The following SEL1L variants were observed in gnomAD, a reference collection of about 807,000 sequenced individuals.
SEL1L encodes the protein SEL1L adaptor subunit of SYVN1 ubiquitin ligase.
In SEL1L, 52 loss-of-function variants were observed where a neutral mutation model predicts 109.8. The ratio of observed to expected loss-of-function variants is 0.47; its 90% CI spans 0.38 to 0.60. The LOEUF is 0.60. SEL1L is among the 20% of genes least tolerant of loss of function. The probability of loss-of-function intolerance (pLI) is 0.00; values close to 1 mark genes in which losing one functional copy is unlikely to be tolerated. For missense variants in SEL1L, 749 were observed against 962.2 expected (o/e 0.78, Z 2.93); for synonymous variants, 373 against 339.6 (o/e 1.10, Z -1.08).
intron 11 of SEL1L, 55 bp downstream of exon 11, chr14:81,495,026 G>T: frequency 6.6e-7 from 1 of 1,506,386 alleles, no homozygotes; most frequent in Non-Finnish European, 9.2e-7. Flanking sequence ...AATACATTGG[G>T]AACATCATTT....
intron 12 of SEL1L, 107 bp downstream of exon 12, chr14:81,492,373 C>T (rs1595509743): frequency 1.2e-6 from 1 of 846,704 alleles, no homozygotes; most frequent in East Asian, 2.6e-5. Flanking sequence ...CACTAGAAAT[C>T]TTATTTCCAA....
chr14:81,509,018 T>C (rs1409159794), intron 3 of SEL1L, among the ~76,000 whole-genome samples: 2 of 152,220 alleles, frequency 1.3e-5, no homozygotes, highest in Admixed American at 1.3e-4. Flanking sequence ...ACTTGCTTCA[T>C]CAATTTAGTC....
At chr14:81,525,454 TGAA>T (rs1885076160) in intron 3 of SEL1L, among the ~76,000 whole-genome samples, 1 of 148,000 alleles carries the variant, frequency 6.8e-6, no homozygotes, top group Non-Finnish European at 1.5e-5. Context: ...AATTAAAAAA[TGAA>T]GAATGAATTA....
rs757504002 is a variant in SEL1L, at chr14:81,506,234, G to A, written c.348C>T (p.Thr116=). The A allele has an allele frequency of 4.1e-5, 65 of 1,592,574 alleles. No homozygotes were observed. Among genetic ancestry groups the A allele is most frequent in the South Asian group, 1.3e-4 (11 of 87,278 alleles). ...EPKKVRKPAL[T]AIEGTAHGEP... ...CCCCATGTGCTGTGCCTTCAATGGC[G>A]GTCAAAGCTGGAATGACAAGAAATA... The change falls in exon 4 of 21, where the codon ACC becomes ACT. Residue 116 remains threonine (T), a synonymous_variant. Coordinates refer to ENST00000336735, the MANE Select transcript of SEL1L (RefSeq NM_005065.6).
At chr14:81,517,251 C>T (rs531008069) in intron 3 of SEL1L, among the ~76,000 whole-genome samples, 12 of 152,256 alleles carry the variant, frequency 7.9e-5, no homozygotes, top group African/African-American at 2.9e-4. Flanking sequence ...CCCCTGACTG[C>T]TTTTAGTCCT....
chr14:81,490,701 G>C (rs1347952800), intron 12 of SEL1L, among the ~76,000 whole-genome samples: 2 of 152,192 alleles, frequency 1.3e-5, no homozygotes, highest in South Asian at 4.1e-4. Flanking sequence ...AGGAGTTCAA[G>C]ACCAGCCTGG....
intron 3 of SEL1L, among the ~76,000 whole-genome samples, chr14:81,516,225 A>G (rs1884696419): frequency 6.6e-6 from 1 of 152,200 alleles, no homozygotes; most frequent in South Asian, 2.1e-4. Context: ...AGCCCCGGGT[A>G]CGTTTAACCA....
chr14:81,494,352 C>T (rs1437347714), intron 11 of SEL1L, among the ~76,000 whole-genome samples: 2 of 152,206 alleles, frequency 1.3e-5, no homozygotes, highest in Non-Finnish European at 2.9e-5. Flanking sequence ...TCTCTCTCAC[C>T]TGAACTTCTC....
In SEL1L at chr14:81,492,363, C is replaced by A. The variant is rs980240458; in HGVS notation, c.1254+117G>T. 28 of 765,046 alleles carry A rather than the reference C, an allele frequency of 3.7e-5. No homozygotes were observed. The East Asian group carries it at 4.1e-4, about 11-fold the overall frequency. 47.4% of individuals were successfully genotyped at this position (765,046 alleles called of 1,614,324 possible). A position where few individuals can be genotyped will look rare whatever the true frequency, so the allele number is the denominator to read the frequency against. On this transcript the variant is annotated intron_variant, in intron 12 of 20. Coordinates refer to ENST00000336735, the MANE Select transcript of SEL1L (RefSeq NM_005065.6). Reference sequence around the variant, plus strand: ...AGCACTTTAAGATATAATAGTCTTGCACTAGAAATCTTATTTCCAATTTAT... The same window carrying A: ...AGCACTTTAAGATATAATAGTCTTGAACTAGAAATCTTATTTCCAATTTAT...
intron 13 of SEL1L, among the ~76,000 whole-genome samples, 167 bp downstream of exon 13, chr14:81,490,221 C>T (rs906625222): frequency 3.3e-5 from 5 of 152,160 alleles, no homozygotes; most frequent in African/African-American, 1.2e-4. Flanking sequence ...TGCCTTTTAT[C>T]GGGAGGGCTT....
chr14:81,498,034 A>G lies in SEL1L; in HGVS notation c.986T>C (p.Ile329Thr). 6.2e-7 allele frequency: 1 copy of G among 1,612,786 alleles called. No individual in the cohort carries two copies. Among genetic ancestry groups the G allele is most frequent in the East Asian group, 2.2e-5 (1 of 44,868 alleles). The stretch of plus-strand genomic sequence containing the variant: ...TACTACTGAGCCTCCTGTTAGCGAG[A>G]TATCACTAGCAACTGAAATAGAGGG... ...RLVANHVASDISLTGGSVVQR... is the reference protein window; with the variant it reads ...RLVANHVASDTSLTGGSVVQR... Residue 329 changes from isoleucine to threonine, a missense_variant, in exon 10 of 21, where the codon ATC (isoleucine) becomes ACC (threonine). This residue lies in a region of SEL1L where 366 missense variants were observed against 399.8 expected (regional missense o/e 0.92). Coordinates refer to ENST00000336735, the MANE Select transcript of SEL1L (RefSeq NM_005065.6).
At chr14:81,498,216 T>A in intron 9 of SEL1L, 170 bp from the exon 10 acceptor site, 3 of 852,324 alleles carry the variant, frequency 3.5e-6, no homozygotes, top group Admixed American at 3.1e-5. Context: ...TAAATTGAAC[T>A]TTTTTCACAA....
rs1421784393 is a variant in SEL1L, at chr14:81,476,790, A to G, written c.*182T>C. On this transcript the variant is annotated 3_prime_UTR_variant, in exon 21 of 21. Coordinates refer to ENST00000336735, the MANE Select transcript of SEL1L (RefSeq NM_005065.6). ...AACAAACATTCAGCTCAGTTTAGGTAAGAGTTACTTATCCCTGAAAATAAA... is the reference window on the plus strand; with the variant it reads ...AACAAACATTCAGCTCAGTTTAGGTGAGAGTTACTTATCCCTGAAAATAAA... 1.7e-6 allele frequency: 1 copy of G among 599,758 alleles called. No homozygotes were observed. Among genetic ancestry groups the G allele is most frequent in the Non-Finnish European group, 2.9e-6 (1 of 344,908 alleles). The allele number at this position is 599,758 out of a possible 1,614,324, so 37.2% of individuals were successfully genotyped here.
intron 6 of SEL1L, among the ~76,000 whole-genome samples, chr14:81,501,872 T>A (rs886369429): frequency 6.6e-6 from 1 of 151,946 alleles, no homozygotes; most frequent in African/African-American, 2.4e-5. Context: ...AGCTGTGACA[T>A]CCTATTGACA....
At chr14:81,496,952 G>T (rs1403663042) in intron 10 of SEL1L, among the ~76,000 whole-genome samples, 1 of 152,058 alleles carries the variant, frequency 6.6e-6, no homozygotes, top group Non-Finnish European at 1.5e-5. Flanking sequence ...GTGATCGCTA[G>T]ATAACCACTA....
chr14:81,533,784 C>T lies in SEL1L; in HGVS notation c.-40G>A. The T allele has an allele frequency of 6.3e-7, 1 of 1,593,646 alleles. No individual in the cohort carries two copies. The highest frequency in any genetic ancestry group is 8.6e-7 in the Non-Finnish European group (1 of 1,167,586). Reference sequence around the variant, plus strand: ...CGGTGCCAACCCCTAGAGCTGTCGCCTTCGCCTCTGCCACCACGGACTCAG... The same window carrying T: ...CGGTGCCAACCCCTAGAGCTGTCGCTTTCGCCTCTGCCACCACGGACTCAG... On this transcript the variant is annotated 5_prime_UTR_variant, in exon 1 of 21. Coordinates refer to ENST00000336735, the MANE Select transcript of SEL1L (RefSeq NM_005065.6).
intron 11 of SEL1L, among the ~76,000 whole-genome samples, chr14:81,492,899 T>C (rs1883601970): frequency 6.6e-6 from 1 of 152,242 alleles, no homozygotes; most frequent in Non-Finnish European, 1.5e-5. Flanking sequence ...CTTTGGTCTA[T>C]TTCTCTAATG....
At chr14:81,499,572 C>A (rs368989913) in intron 7 of SEL1L, 37 bp downstream of exon 7, 13 of 1,608,332 alleles carry the variant, frequency 8.1e-6, no homozygotes, top group Admixed American at 5.1e-5. Flanking sequence ...TTATTCAATT[C>A]AAATTGTAAT....
In SEL1L at chr14:81,477,059, G is replaced by A. The variant is rs774196728; in HGVS notation, c.2298C>T (p.His766=). ...GAGGCCTGGGTGCAGGCATGTCTTG[G>A]TGCTGCCTTTGCCTGTAAGCTATGA... is the stretch of plus-strand genomic sequence containing the variant. ...GTVIAYRQRQ[H]QDMPAPRPPG... The change falls in exon 21 of 21, where the codon CAC becomes CAT. Residue 766 remains histidine (H), a synonymous_variant. Transcript: ENST00000336735. 6.2e-7 allele frequency: 1 copy of A among 1,614,198 alleles called. No individual in the cohort carries two copies. The highest frequency in any genetic ancestry group is 1.1e-5 in the South Asian group (1 of 91,082).
Sources: allele counts gnomAD v4.1 joint callset (sites outside exome capture counted in the v4.1 genomes callset), GRCh38; gene constraint gnomAD v4.1.1; regional missense constraint gnomAD v4.1.1; transcripts MANE v1.5; gene names NCBI Gene and HGNC (gene_info 2026-07-23, HGNC 2026-07-21).